The following KLHDC10 variants were observed in gnomAD, a reference collection of about 807,000 sequenced individuals.
KLHDC10 encodes the protein kelch domain-containing protein 10.
KLHDC10 carries 24 observed loss-of-function variants against 56.1 expected under a neutral mutation model. The observed-to-expected ratio is 0.43, with a 90% CI of 0.31 to 0.60. The LOEUF (loss-of-function observed/expected upper bound fraction) is 0.60, where lower values mean the gene tolerates loss of function less well. Ranked by LOEUF, KLHDC10 falls within the 20% of genes least tolerant of loss-of-function variation. The pLI, the probability that KLHDC10 is intolerant of heterozygous loss-of-function variation, is 0.11. For missense variants in KLHDC10, 349 were observed against 567.0 expected, an observed-to-expected ratio of 0.62 and a Z score of 3.91; for synonymous variants, 188 against 207.1, an observed-to-expected ratio of 0.91 and a Z score of 0.79.
intron 3 of KLHDC10, among the ~76,000 whole-genome samples, chr7:130,119,499 G>A (rs774110499): frequency 8.5e-5 from 12 of 141,148 alleles, no homozygotes; most frequent in Non-Finnish European, 1.5e-4. Context: ...GTGACAGAGC[G>A]AGACCCTGCC....
At chr7:130,110,369 G>A (rs1355024779) in intron 2 of KLHDC10, among the ~76,000 whole-genome samples, 2 of 152,166 alleles carry the variant, frequency 1.3e-5, no homozygotes, top group Admixed American at 1.3e-4. Context: ...AATACAAAAG[G>A]GAATTTGTTC....
At chr7:130,098,021 GT>G (rs1341116209) in intron 2 of KLHDC10, among the ~76,000 whole-genome samples, 604 of 143,508 alleles carry the variant, frequency 4.2e-3, no homozygotes, top group Non-Finnish European at 4.2e-3. Flanking sequence ...TTTAACTGGA[GT>G]TTTTTTTTTT....
chr7:130,130,301 G>A lies in KLHDC10; in HGVS notation c.1120-236G>A, dbSNP rs1348696474. ...TGCGCCACTGCACTCCAGCCTGGGC[G>A]ACAGAGTGAGACTCTGTCTCAAAAA... On this transcript the variant is annotated intron_variant, in intron 9 of 9. Transcript: ENST00000335420. This position sits in a 1 kb window ranked among gnomAD's most constrained non-coding sequence, Gnocchi z 4.2. 1.4e-5 allele frequency among the ~76,000 whole-genome samples: 2 copies of A among 142,318 alleles called. No homozygotes were observed. The highest frequency in any genetic ancestry group is 7.1e-5 in the Admixed American group (1 of 14,154). The allele number at this position is 142,318 out of a possible 152,430, so 93.4% of individuals were successfully genotyped here. A position where few individuals can be genotyped will look rare whatever the true frequency, so the allele number is the denominator to read the frequency against.
chr7:130,123,130 C>T (rs982221562), intron 5 of KLHDC10, among the ~76,000 whole-genome samples: 15 of 152,202 alleles, frequency 9.9e-5, no homozygotes, highest in African/African-American at 3.6e-4. Flanking sequence ...CTTCTAGTAG[C>T]AGATCTATAT....
chr7:130,113,692 C>G (rs139929972), intron 2 of KLHDC10, among the ~76,000 whole-genome samples: 1 of 152,116 alleles, frequency 6.6e-6, no homozygotes, highest in Admixed American at 6.5e-5. Context: ...TCACAGACCC[C>G]TCAACTGTGT....
intron 1 of KLHDC10, chr7:130,094,900 G>C (rs1795828301): frequency 6.6e-6 from 1 of 152,076 alleles, no homozygotes; most frequent in Non-Finnish European, 1.5e-5. Flanking sequence ...TTTAGGAATA[G>C]ATTCCTAGAA....
chr7:130,108,554 TCCA>T (rs1563102938), intron 2 of KLHDC10, among the ~76,000 whole-genome samples: 8 of 52,104 alleles, frequency 1.5e-4, no homozygotes, highest in South Asian at 5.7e-4. Context: ...CTACCAAATA[TCCA>T]AAAAAAAAAA....
At chr7:130,122,279 G>A in intron 5 of KLHDC10, 77 bp downstream of exon 5, 2 of 1,404,060 alleles carry the variant, frequency 1.4e-6, no homozygotes, top group South Asian at 2.9e-5. Flanking sequence ...GCAATATGAA[G>A]AAAACCCTTT....
At chr7:130,098,984 G>C (rs1795892706) in intron 2 of KLHDC10, among the ~76,000 whole-genome samples, 1 of 152,204 alleles carries the variant, frequency 6.6e-6, no homozygotes, top group African/African-American at 2.4e-5. Context: ...TGAGGTGGGA[G>C]TTAACTCAGC....
intron 1 of KLHDC10, among the ~76,000 whole-genome samples, chr7:130,071,423 C>A (rs1030667374): frequency 1.3e-5 from 2 of 152,086 alleles, no homozygotes; most frequent in African/African-American, 4.8e-5. Context: ...AAGTGAAGAT[C>A]AAAAATATAC....
At chr7:130,080,671 A>G (rs1203728316) in intron 1 of KLHDC10, among the ~76,000 whole-genome samples, 2 of 152,132 alleles carry the variant, frequency 1.3e-5, no homozygotes, top group East Asian at 1.9e-4. Flanking sequence ...TGCTGGGATT[A>G]TAGGTGTGAG....
Position 130,131,505 on chromosome 7 carries a change from T to C in KLHDC10, c.*759T>C, listed in dbSNP as rs556636576. The stretch of plus-strand genomic sequence containing the variant: ...CTCTTAGAAATTATGGCACCAAGAA[T>C]GTTTCAAACGGAAAAACTTGTGGTG... On this transcript the variant is annotated 3_prime_UTR_variant, in exon 10 of 10. Coordinates refer to ENST00000335420, the MANE Select transcript of KLHDC10 (RefSeq NM_014997.4). 6.6e-6 allele frequency: 1 copy of C among 152,376 alleles called. No homozygotes were observed. Among genetic ancestry groups the C allele is most frequent in the African/African-American group, 2.4e-5 (1 of 41,590 alleles). 9.4% of individuals were successfully genotyped at this position (152,376 alleles called of 1,614,324 possible). A position where few individuals can be genotyped will look rare whatever the true frequency, so the allele number is the denominator to read the frequency against.
In KLHDC10 at chr7:130,125,683, G is replaced by A. The variant is rs544108665; in HGVS notation, c.865-182G>A. 7.9e-5 allele frequency among the ~76,000 whole-genome samples: 12 copies of A among 152,248 alleles called. No individual in the cohort carries two copies. The East Asian group carries it at 1.3e-3, about 17-fold the overall frequency. On this transcript the variant is annotated intron_variant, in intron 6 of 9. Transcript: ENST00000335420. ...TTTTCAACTAAGAATATATGTTTAC[G>A]CAGGCTGCTGCTGTTAAAAGTCCAG...
chr7:130,129,173 G>A (rs1796362127), intron 8 of KLHDC10, among the ~76,000 whole-genome samples: 1 of 151,950 alleles, frequency 6.6e-6, no homozygotes, highest in Non-Finnish European at 1.5e-5. Flanking sequence ...GAATCTGTAG[G>A]TATGTGTTTG....
intron 2 of KLHDC10, among the ~76,000 whole-genome samples, chr7:130,111,844 GAACTAGTA>G: frequency 6.6e-6 from 1 of 152,226 alleles, no homozygotes; most frequent in Non-Finnish European, 1.5e-5. Flanking sequence ...ATAAACATGT[GAACTAGTA>G]AAATAAGGGA....
intron 2 of KLHDC10, among the ~76,000 whole-genome samples, chr7:130,102,561 C>T (rs1272569278): frequency 6.6e-6 from 1 of 152,176 alleles, no homozygotes; most frequent in Admixed American, 6.5e-5. Context: ...GTGGCTCACA[C>T]TTCTAATACC....
At chr7:130,095,416 T>C (rs946950010) in intron 1 of KLHDC10, among the ~76,000 whole-genome samples, 1 of 152,188 alleles carries the variant, frequency 6.6e-6, no homozygotes, top group Non-Finnish European at 1.5e-5. Flanking sequence ...ACATTTTAGC[T>C]TTTTGAAAAA....
rs185197436 is a variant in KLHDC10 at position 130,108,467 on chromosome 7, C to T, written c.254-7978C>T. Among the ~76,000 whole-genome samples, 7 of 151,294 alleles carry T rather than the reference C, an allele frequency of 4.6e-5. No homozygotes were observed. In the East Asian group the frequency reaches 1.4e-3, roughly 30 times the overall value. On this transcript the variant is annotated intron_variant, in intron 2 of 9. Coordinates refer to ENST00000335420, the MANE Select transcript of KLHDC10 (RefSeq NM_014997.4). Reference sequence around the variant, plus strand: ...CCTGTAATCCCAGCACTGTGGGAGGCCGAGGCAGGTGGATCGCTTAAACTC... The same window carrying T: ...CCTGTAATCCCAGCACTGTGGGAGGTCGAGGCAGGTGGATCGCTTAAACTC...
intron 2 of KLHDC10, among the ~76,000 whole-genome samples, chr7:130,101,969 TAAAAA>T (rs10579051): frequency 1.4e-5 from 1 of 73,728 alleles, no homozygotes. Flanking sequence ...GACTCCCTCT[TAAAAA>T]AAAAAAAAAA....
Sources: gnomAD v4.1 joint callset for allele counts (sites outside exome capture counted in the v4.1 genomes callset) on GRCh38, gnomAD v4.1.1 for gene constraint, Gnocchi (gnomAD v3.1) non-coding constraint, MANE v1.5 for transcripts, NCBI Gene and HGNC (gene_info 2026-07-23, HGNC 2026-07-21) for gene names.